The following STPG2 variants were observed in gnomAD, a reference collection of about 807,000 sequenced individuals.
The protein encoded by STPG2 is sperm-tail PG-rich repeat-containing protein 2.
In STPG2, 56 loss-of-function variants were observed where a neutral mutation model predicts 54.2. The observed-to-expected ratio is 1.03, with a 90% confidence interval of 0.83 to 1.29. The LOEUF is 1.29. Ranked by LOEUF, STPG2 falls within the 50% of genes most tolerant of loss-of-function variation. The probability of loss-of-function intolerance (pLI) is 0.00; values close to 1 mark genes in which losing one functional copy is unlikely to be tolerated. For synonymous variants in STPG2, 200 were observed against 181.8 expected, an observed-to-expected ratio of 1.10 and a Z score of -0.81; for missense variants, 596 against 544.9, an observed-to-expected ratio of 1.09 and a Z score of -0.93.
At chr4:97,524,372 G>A (rs1461536485) in intron 4 of STPG2, among the ~76,000 whole-genome samples, 1 of 151,814 alleles carries the variant, frequency 6.6e-6, no homozygotes, top group Non-Finnish European at 1.5e-5. Flanking sequence ...TAAACAAAAA[G>A]TACAAATATT....
intron 7 of STPG2, among the ~76,000 whole-genome samples, chr4:97,956,924 A>G (rs1733694356): frequency 6.6e-6 from 1 of 152,168 alleles, no homozygotes; most frequent in Admixed American, 6.5e-5. Context: ...AGGTTCATTA[A>G]CATCCTCAAA....
At chr4:98,056,443 GC>G (rs1383316275) in intron 5 of STPG2, among the ~76,000 whole-genome samples, 4 of 152,142 alleles carry the variant, frequency 2.6e-5, no homozygotes, top group African/African-American at 9.7e-5. Flanking sequence ...GCACCTTGGT[GC>G]CCCCAGCGCA....
intron 4 of STPG2, among the ~76,000 whole-genome samples, chr4:97,466,936 A>G (rs920018396): frequency 9.9e-5 from 15 of 152,168 alleles, no homozygotes; most frequent in African/African-American, 3.1e-4. Context: ...GATATTTGCA[A>G]TAGACTTTTT....
Position 97,455,319 on chromosome 4 carries a change from T to C in STPG2, c.462+257380A>G, listed in dbSNP as rs535529393. 5.8e-4 allele frequency among the ~76,000 whole-genome samples: 89 copies of C among 152,160 alleles called. 1 individual carries two copies. The highest frequency in any genetic ancestry group is 7.5e-4 in the Non-Finnish European group (51 of 68,004). ...GTAAAGACAGGCATTTGTTTTTGTG[T>C]CCAAATGTTGCATTTCCCGAGACCA... On this transcript the variant is annotated intron_variant, in intron 4 of 4. Coordinates refer to the STPG2 transcript ENST00000522676.
chr4:98,130,952 G>GAAA (rs1242260121), intron 2 of STPG2, among the ~76,000 whole-genome samples: 24 of 81,928 alleles, frequency 2.9e-4, no homozygotes, highest in African/African-American at 6.9e-4. Context: ...AAAAAAAAAC[G>GAAA]ACTTTCCAAA....
chr4:98,135,007 T>C (rs542718850), intron 1 of STPG2, among the ~76,000 whole-genome samples: 81 of 151,884 alleles, frequency 5.3e-4, no homozygotes, highest in African/African-American at 1.9e-3. Context: ...ACAAATTTCT[T>C]TGGAACAAGT....
At chr4:98,039,687 T>C (rs1466915735) in intron 5 of STPG2, among the ~76,000 whole-genome samples, 1 of 124,352 alleles carries the variant, frequency 8.0e-6, no homozygotes, top group Admixed American at 7.6e-5. Flanking sequence ...GTGATACATA[T>C]ATATATATAT....
chr4:97,995,147 C>A (rs1027626793), intron 5 of STPG2, among the ~76,000 whole-genome samples: 2 of 151,744 alleles, frequency 1.3e-5, no homozygotes, highest in African/African-American at 2.4e-5. Context: ...AAAGGCCAGT[C>A]TCACTCCCAC....
intron 5 of STPG2, among the ~76,000 whole-genome samples, chr4:97,988,468 G>A (rs987169265): frequency 2.0e-5 from 3 of 152,026 alleles, no homozygotes; most frequent in African/African-American, 7.2e-5. Flanking sequence ...AACACAGTAG[G>A]GTTCAGTTAA....
chr4:98,058,221 GAAT>G (rs1737538122), intron 5 of STPG2, among the ~76,000 whole-genome samples: 2 of 152,144 alleles, frequency 1.3e-5, no homozygotes, highest in South Asian at 4.1e-4. Flanking sequence ...AACTAACCTT[GAAT>G]ATAAACAGGC....
chr4:98,012,360 G>A (rs144498059), intron 5 of STPG2, among the ~76,000 whole-genome samples: 182 of 152,314 alleles, frequency 1.2e-3, no homozygotes, highest in African/African-American at 4.2e-3. Flanking sequence ...TAGCCTTGCA[G>A]TATAGTGTGA....
chr4:97,879,396 T>G (rs1248063742), intron 8 of STPG2, among the ~76,000 whole-genome samples: 2 of 152,152 alleles, frequency 1.3e-5, no homozygotes, highest in Admixed American at 1.3e-4. Flanking sequence ...AAAAAGAGGT[T>G]TAATGGACTC....
intron 10 of STPG2, among the ~76,000 whole-genome samples, chr4:97,634,954 G>C (rs1172486713): frequency 1.3e-5 from 2 of 152,160 alleles, no homozygotes; most frequent in East Asian, 1.9e-4. Flanking sequence ...AATCTACCAA[G>C]GCAGGCCAAT....
At chr4:97,824,585 C>T (rs1728195366) in intron 9 of STPG2, among the ~76,000 whole-genome samples, 1 of 152,174 alleles carries the variant, frequency 6.6e-6, no homozygotes, top group South Asian at 2.1e-4. Context: ...GCACAGCAAA[C>T]TGGTCAGTTA....
At chr4:97,451,918 T>A (rs1729378360) in intron 4 of STPG2, among the ~76,000 whole-genome samples, 1 of 152,140 alleles carries the variant, frequency 6.6e-6, no homozygotes, top group Admixed American at 6.5e-5. Context: ...CCAGACAGCC[T>A]GTGGCTGCCA....
intron 10 of STPG2, among the ~76,000 whole-genome samples, chr4:97,652,470 A>C (rs2148954499): frequency 6.6e-6 from 1 of 152,036 alleles, no homozygotes; most frequent in African/African-American, 2.4e-5. Context: ...CTTACAAAAA[A>C]AAGTACTACA....
chr4:97,950,029 C>A (rs1578723485), intron 7 of STPG2, among the ~76,000 whole-genome samples: 2 of 152,204 alleles, frequency 1.3e-5, no homozygotes, highest in Middle Eastern at 6.8e-3. Flanking sequence ...TTGTTAAAAC[C>A]TCCACTGCAT....
intron 10 of STPG2, among the ~76,000 whole-genome samples, chr4:97,676,128 T>A (rs946442570): frequency 2.7e-5 from 4 of 148,010 alleles, no homozygotes; most frequent in African/African-American, 4.9e-5. Flanking sequence ...ATATATATAT[T>A]TTTTTGCTTA....
Position 97,491,703 on chromosome 4 carries a change from G to A in STPG2, c.462+220996C>T, listed in dbSNP as rs971623809. On this transcript the variant is annotated intron_variant, in intron 4 of 4. Coordinates refer to the STPG2 transcript ENST00000522676. ...AGATTTTAACTTACAGCTAAAGAGT[G>A]GTGCAAGTGTAAGGAAGAAAGTCAG... is the stretch of plus-strand genomic sequence containing the variant. Among the ~76,000 whole-genome samples, 3 of 151,484 alleles carry A rather than the reference G, an allele frequency of 2.0e-5. No homozygotes were observed. In the Admixed American group the frequency reaches 2.0e-4, roughly 10 times the overall value.
Sources: allele counts gnomAD v4.1 joint callset (sites outside exome capture counted in the v4.1 genomes callset), GRCh38; gene constraint gnomAD v4.1.1; transcripts MANE v1.5; gene names NCBI Gene and HGNC (gene_info 2026-07-23, HGNC 2026-07-21).